The following RPS6KC1 variants were observed in gnomAD, a reference collection of about 807,000 sequenced individuals.
RPS6KC1 encodes ribosomal protein S6 kinase C1, also known as inactive ribosomal protein S6 kinase delta-1.
A neutral mutation model predicts 103.8 loss-of-function variants in RPS6KC1; 54 were observed. The observed-to-expected ratio is 0.52, with a 90% CI of 0.42 to 0.65. The LOEUF is 0.65. Ranked by LOEUF, RPS6KC1 falls within the 30% of genes least tolerant of loss-of-function variation. The pLI, the probability that RPS6KC1 is intolerant of heterozygous loss-of-function variation, is 0.00. For synonymous variants in RPS6KC1, 439 were observed against 438.7 expected, an observed-to-expected ratio of 1.00 and a Z score of -0.01; for missense variants, 1,151 against 1,253.8, an observed-to-expected ratio of 0.92 and a Z score of 1.24.
At chr1:213,718,806 C>G in the RPS6KC1 span, among the ~76,000 whole-genome samples, 1 of 152,178 alleles carries the variant, frequency 6.6e-6, no homozygotes, top group South Asian at 2.1e-4. Context: ...ATCTGGAGAG[C>G]TGGTTAACAA....
At chr1:213,703,013 G>A in the RPS6KC1 span, among the ~76,000 whole-genome samples, 2 of 151,830 alleles carry the variant, frequency 1.3e-5, no homozygotes, top group Admixed American at 6.6e-5. Context: ...TCTTCCTTCT[G>A]TCTTTCCTGC....
the RPS6KC1 span, among the ~76,000 whole-genome samples, chr1:213,462,509 G>A: frequency 1.3e-5 from 2 of 152,180 alleles, no homozygotes; most frequent in Admixed American, 6.5e-5. Context: ...CAACCCAAAT[G>A]TCCATTAATG....
At chr1:213,587,264 A>G in the RPS6KC1 span, among the ~76,000 whole-genome samples, 1 of 152,204 alleles carries the variant, frequency 6.6e-6, no homozygotes. Flanking sequence ...CCAAAGGGAA[A>G]CAAATCAATG....
the RPS6KC1 span, among the ~76,000 whole-genome samples, chr1:213,673,865 G>T: frequency 6.6e-6 from 1 of 151,956 alleles, no homozygotes; most frequent in Non-Finnish European, 1.5e-5. Flanking sequence ...GATTCAGGGG[G>T]TACATGTATA....
chr1:213,764,238 G>A, the RPS6KC1 span, among the ~76,000 whole-genome samples: 1 of 152,166 alleles, frequency 6.6e-6, no homozygotes, highest in African/African-American at 2.4e-5. Flanking sequence ...GAAAACTTTG[G>A]CGGATCAGGG....
At chr1:213,575,306 A>G in the RPS6KC1 span, among the ~76,000 whole-genome samples, 15 of 152,184 alleles carry the variant, frequency 9.9e-5, 1 homozygote, top group African/African-American at 3.6e-4. Context: ...GGGGAGAGGT[A>G]GCACCTGTCC....
Position 213,129,960 on chromosome 1 carries a change from A to G in RPS6KC1, c.835+71A>G, listed in dbSNP as rs1024192249. On this transcript the variant is annotated intron_variant, in intron 6 of 14. Transcript: ENST00000366960. ...ATGTGGGAAAAAAAAGTACATACAT[A>G]TATCTTCTGTATAGTCTTATGGAAA... 1.0e-5 allele frequency: 14 copies of G among 1,388,580 alleles called. No homozygotes were observed. The Admixed American group carries it at 2.5e-4, about 25-fold the overall frequency. 86.0% of individuals were successfully genotyped at this position (1,388,580 alleles called of 1,614,324 possible). A position where few individuals can be genotyped will look rare whatever the true frequency, so the allele number is the denominator to read the frequency against.
intron 8 of RPS6KC1, among the ~76,000 whole-genome samples, chr1:213,202,180 A>ATTT (rs2093187667): frequency 6.6e-6 from 1 of 152,030 alleles, no homozygotes; most frequent in African/African-American, 2.4e-5. Context: ...ATTATTCAGA[A>ATTT]CTGAATTTCT....
At chr1:213,642,354 T>A in the RPS6KC1 span, among the ~76,000 whole-genome samples, 1 of 152,168 alleles carries the variant, frequency 6.6e-6, no homozygotes, top group Non-Finnish European at 1.5e-5. Context: ...TGCTTTATCT[T>A]ACCTGGGACC....
At chr1:213,758,102 G>C in the RPS6KC1 span, among the ~76,000 whole-genome samples, 1 of 152,296 alleles carries the variant, frequency 6.6e-6, no homozygotes, top group Non-Finnish European at 1.5e-5. Flanking sequence ...TTTCATGTTT[G>C]ATAACACAAC....
chr1:213,242,635 TAGAG>T lies in RPS6KC1; in HGVS notation c.2892_2895del (p.Arg965CysfsTer43). On this transcript the variant is annotated frameshift_variant, in exon 12 of 15. Coordinates refer to ENST00000366960, the MANE Select transcript of RPS6KC1 (RefSeq NM_012424.6). LOFTEE classifies it high-confidence loss of function. ...GAAGATTCCTGTGACAGCGATGCCA[TAGAG>T]AGAATGTACTGTGCCCCAGGTTAGA... The T allele has an allele frequency of 6.3e-7, 1 of 1,596,000 alleles. No homozygotes were observed. Among genetic ancestry groups the T allele is most frequent in the Non-Finnish European group, 8.6e-7 (1 of 1,169,426 alleles).
chr1:213,417,275 T>C, the RPS6KC1 span, among the ~76,000 whole-genome samples: 1 of 152,140 alleles, frequency 6.6e-6, no homozygotes, highest in African/African-American at 2.4e-5. Flanking sequence ...CGTCCCTGAT[T>C]TGAGGAGCAA....
chr1:213,378,258 A>G, the RPS6KC1 span, among the ~76,000 whole-genome samples: 5 of 152,246 alleles, frequency 3.3e-5, no homozygotes, highest in African/African-American at 1.2e-4. Flanking sequence ...GGCTTTGTTC[A>G]AGGAATTATG....
the RPS6KC1 span, among the ~76,000 whole-genome samples, chr1:213,826,775 G>A: frequency 0.013 from 2,034 of 152,250 alleles, 43 homozygotes; most frequent in African/African-American, 0.045. Flanking sequence ...CCTGGGAAGG[G>A]GGGGAAGTAC....
chr1:213,122,779 T>C (rs1400686420), intron 5 of RPS6KC1, among the ~76,000 whole-genome samples: 1 of 152,146 alleles, frequency 6.6e-6, no homozygotes, highest in Non-Finnish European at 1.5e-5. Context: ...GTTATGTGCT[T>C]ATTTACCCAA....
chr1:213,566,546 C>G, the RPS6KC1 span, among the ~76,000 whole-genome samples: 1 of 128,560 alleles, frequency 7.8e-6, no homozygotes, highest in Non-Finnish European at 1.6e-5. Context: ...TGAAATTTCT[C>G]AACCTATCAT....
In RPS6KC1 at chr1:213,099,462, A is replaced by G. The variant is rs373136795; in HGVS notation, c.263-4992A>G. Among the ~76,000 whole-genome samples the G allele has an allele frequency of 3.3e-5, 5 of 152,292 alleles. No homozygotes were observed. In the East Asian group the frequency reaches 5.8e-4, roughly 18 times the overall value. On this transcript the variant is annotated intron_variant, in intron 3 of 14. Transcript: ENST00000366960. Reference sequence around the variant, plus strand: ...AGATACCAGTGTCTTTCACCCATACATATTTTAACATATTGTCATTAATAA... The same window carrying G: ...AGATACCAGTGTCTTTCACCCATACGTATTTTAACATATTGTCATTAATAA...
chr1:213,808,258 C>T, the RPS6KC1 span, among the ~76,000 whole-genome samples: 12 of 152,334 alleles, frequency 7.9e-5, 1 homozygote, highest in East Asian at 3.9e-4. Flanking sequence ...GGCAGTCTGC[C>T]CGTTCTCAGA....
the RPS6KC1 span, among the ~76,000 whole-genome samples, chr1:213,575,677 C>T: frequency 6.6e-6 from 1 of 152,168 alleles, no homozygotes; most frequent in Non-Finnish European, 1.5e-5. Flanking sequence ...TTATAAATTA[C>T]CCAGTCTCAG....
Sources: allele counts gnomAD v4.1 joint callset (sites outside exome capture counted in the v4.1 genomes callset), GRCh38; gene constraint gnomAD v4.1.1; transcripts MANE v1.5; gene names NCBI Gene and HGNC (gene_info 2026-07-23, HGNC 2026-07-21).